Variants in PITPNM1 observed in about 807,000 individuals in gnomAD.
PITPNM1 encodes phosphatidylinositol transfer protein membrane associated 1.
PITPNM1 carries 74 observed loss-of-function variants against 133.3 expected under a neutral mutation model. That is an observed-to-expected ratio of 0.56 (90% confidence interval 0.46 to 0.67). The LOEUF is 0.67. PITPNM1 is among the 30% of genes least tolerant of loss of function. The pLI is 0.00. For synonymous variants in PITPNM1, 738 were observed against 741.4 expected (o/e 1.00, Z 0.08); for missense variants, 1,398 against 1,739.5 (o/e 0.80, Z 3.49).
At chr11:67,506,129 G>A (rs1268887225), upstream of PITPNM1, 1 of 152,700 alleles carries the variant, frequency 6.5e-6, no homozygotes, top group African/African-American at 2.4e-5. Context: ...CTGATTCAGA[G>A]GCTGGGGTGT....
intron 2 of PITPNM1, 198 bp downstream of exon 2, chr11:67,503,905 G>A (rs1866409458): frequency 5.8e-6 from 3 of 515,500 alleles, no homozygotes; most frequent in African/African-American, 2.0e-5. Flanking sequence ...GATCAGAGGA[G>A]GGCTGGGCAC....
chr11:67,505,793 G>T (rs923192057), upstream of PITPNM1, among the ~76,000 whole-genome samples: 1 of 152,182 alleles, frequency 6.6e-6, no homozygotes, highest in Non-Finnish European at 1.5e-5. The surrounding 1 kb of genome is among the most constrained non-coding windows in gnomAD (Gnocchi z 5.8). Flanking sequence ...TCGGCTCCAG[G>T]GCCCCAGGCC....
chr11:67,499,985 G>C lies in PITPNM1; in HGVS notation c.992C>G (p.Ser331Cys). 6.2e-7 allele frequency: 1 copy of C among 1,612,588 alleles called. No individual in the cohort carries two copies. Among genetic ancestry groups the C allele is most frequent in the Non-Finnish European group, 8.5e-7 (1 of 1,179,866 alleles). Residue 331 changes from serine to cysteine, a missense_variant, in exon 7 of 24, where the codon TCT becomes TGT. Coordinates refer to ENST00000356404, the MANE Select transcript of PITPNM1 (RefSeq NM_004910.3). ...GGCAATGTTCTGCATGCGCCACTCA[G>C]ACAAGCTCTGGGGAGACACAGCCCC... ...HGGAVSPQSL[S>C]EWRMQNIARD...
rs996097063 is a variant in PITPNM1, at chr11:67,494,452, G to A, written c.2743-92C>T. ...GGTGAGGATCCACACGCAAACACCG[G>A]GGTGGGGGCCTAGAGGCGGCGGGGC... On this transcript the variant is annotated intron_variant, in intron 18 of 23. Coordinates refer to ENST00000356404, the MANE Select transcript of PITPNM1 (RefSeq NM_004910.3). The A allele has an allele frequency of 9.3e-6, 8 of 860,008 alleles. No individual in the cohort carries two copies. The East Asian group carries it at 1.6e-4, about 17-fold the overall frequency. The allele number at this position is 860,008 out of a possible 1,614,324, so 53.3% of individuals were successfully genotyped here. A position where few individuals can be genotyped will look rare whatever the true frequency, so the allele number is the denominator to read the frequency against.
chr11:67,496,126 C>T, intron 15 of PITPNM1, 52 bp downstream of exon 15: 2 of 1,436,936 alleles, frequency 1.4e-6, no homozygotes, highest in Non-Finnish European at 1.8e-6. Flanking sequence ...TACCTCCTCC[C>T]TTCCTGTGTG....
At chr11:67,495,400 C>T (rs1354880417) in intron 16 of PITPNM1, 38 bp downstream of exon 16, 1 of 1,465,356 alleles carries the variant, frequency 6.8e-7, no homozygotes, top group Admixed American at 2.6e-5. Flanking sequence ...CGGGCCTCCC[C>T]CACCCCCAGG....
intron 20 of PITPNM1, 21 bp downstream of exon 20, chr11:67,493,901 G>A (rs751570788): frequency 2.3e-5 from 36 of 1,532,382 alleles, no homozygotes; most frequent in Middle Eastern, 1.8e-4. Context: ...CTCCCGCAGA[G>A]GCCCGGCCAG....
rs1866270674 is a variant in PITPNM1, at chr11:67,499,974, T to G, written c.1003A>C (p.Met335Leu). The G allele has an allele frequency of 3.7e-6, 6 of 1,612,430 alleles. No homozygotes were observed. The highest frequency in any genetic ancestry group is 8.5e-7 in the Non-Finnish European group (1 of 1,179,850). Residue 335 changes from methionine (M) to leucine (L), a missense_variant, in exon 7 of 24, where the codon ATG becomes CTG. Transcript: ENST00000356404. The stretch of plus-strand genomic sequence containing the variant: ...TCAGAGTCTCGGGCAATGTTCTGCA[T>G]GCGCCACTCAGACAAGCTCTGGGGA... ...VSPQSLSEWR[M>L]QNIARDSENS... is the part of the protein sequence containing the mutation.
Position 67,495,138 on chromosome 11 carries a change from G to A in PITPNM1, c.2570C>T (p.Pro857Leu). Reference protein sequence around the residue: ...ALTAFPTVTLPHLFHASYWES... With the variant: ...ALTAFPTVTLLHLFHASYWES... ...CCAGTAGCTGGCGTGGAAGAGGTGGGGCAGCGTGACGGTGGGAAAGGCGGT... is the reference window on the plus strand; with the variant it reads ...CCAGTAGCTGGCGTGGAAGAGGTGGAGCAGCGTGACGGTGGGAAAGGCGGT... The change falls in exon 17 of 24, where the codon CCC becomes CTC. Residue 857 changes from proline (P) to leucine (L), a missense_variant. By Grantham distance (98) the Pro-to-Leu change is moderately conservative. Around this residue, in one of 5 missense-constraint regions of PITPNM1, gnomAD observed 574 missense variants for 698.7 expected, o/e 0.82. Transcript: ENST00000356404. The A allele has an allele frequency of 2.5e-6, 4 of 1,612,660 alleles. No individual in the cohort carries two copies. The South Asian group carries it at 4.4e-5, about 18-fold the overall frequency.
Position 67,496,308 on chromosome 11 carries a change from G to A in PITPNM1, c.2187C>T (p.Leu729=), listed in dbSNP as rs768847294. The A allele has an allele frequency of 2.5e-6, 4 of 1,583,654 alleles. No homozygotes were observed. Among genetic ancestry groups the A allele is most frequent in the Non-Finnish European group, 3.4e-6 (4 of 1,169,308 alleles). Reference sequence around the variant, plus strand: ...AGGCGCAGGGGTCAGCCGCGTGGAAGAGGTTGTAGATCTGTTCACAGGCTG... The same window carrying A: ...AGGCGCAGGGGTCAGCCGCGTGGAAAAGGTTGTAGATCTGTTCACAGGCTG... ...MRPACEQIYN[L]FHAADPCASR... The change falls in exon 15 of 24, where the codon CTC becomes CTT. Residue 729 remains leucine (L), a synonymous_variant. Transcript: ENST00000356404.
In PITPNM1 at chr11:67,494,974, C is replaced by A. The variant is rs377335102; in HGVS notation, c.2632-18G>T. ...TCGATCACCTGCACGGGACAGGGGG[C>A]GAGGCCTCTGTCTCTTAGGGGAGGG... On this transcript the variant is annotated intron_variant, in intron 17 of 23. Transcript: ENST00000356404. 2.6e-5 allele frequency: 42 copies of A among 1,610,118 alleles called. No homozygotes were observed. Among genetic ancestry groups the A allele is most frequent in the Non-Finnish European group, 3.3e-5 (39 of 1,178,256 alleles).
Position 67,497,677 on chromosome 11 carries a change from G to T in PITPNM1, c.1785C>A (p.Asn595Lys). ...CAAACTCCGGAGAGAGCAGCTCATT[G>T]TTCTGGATGGAACAGGAGACAGAAA... is the stretch of plus-strand genomic sequence containing the variant. ...SRGSSRRGSM[N>K]NELLSPEFGP... Residue 595 changes from asparagine (N) to lysine (K), a missense_variant and splice_region_variant, in exon 13 of 24, where the codon AAC becomes AAA. Asn to Lys is a moderately conservative substitution (Grantham distance 94). Around this residue, in one of 5 missense-constraint regions of PITPNM1, gnomAD observed 574 missense variants for 698.7 expected, o/e 0.82. Transcript: ENST00000356404. The T allele has an allele frequency of 6.2e-7, 1 of 1,609,988 alleles. No homozygotes were observed. Among genetic ancestry groups the T allele is most frequent in the Non-Finnish European group, 8.5e-7 (1 of 1,179,172 alleles).
Position 67,500,367 on chromosome 11 carries a change from T to G in PITPNM1, c.695A>C (p.Glu232Ala). ...GTCAGCCATGCTCAGCTCTGTCCACTCATCCTGCCAGCACCAGGCCTGGCG... is the reference window on the plus strand; with the variant it reads ...GTCAGCCATGCTCAGCTCTGTCCACGCATCCTGCCAGCACCAGGCCTGGCG... ...AHRQAWCWQD[E>A]WTELSMADIR... Residue 232 changes from glutamate to alanine, a missense_variant, in exon 6 of 24, where the codon GAG (glutamate) becomes GCG (alanine). By Grantham distance (107) the Glu-to-Ala change is moderately radical. Coordinates refer to ENST00000356404, the MANE Select transcript of PITPNM1 (RefSeq NM_004910.3). 3 of 1,612,096 alleles carry G rather than the reference T, an allele frequency of 1.9e-6. No homozygotes were observed. The highest frequency in any genetic ancestry group is 1.7e-4 in the Middle Eastern group (1 of 6,060).
At chr11:67,500,615 C>G (rs140322170) in intron 5 of PITPNM1, among the ~76,000 whole-genome samples, 194 bp from the exon 6 acceptor site, 1 of 152,258 alleles carries the variant, frequency 6.6e-6, no homozygotes, top group Admixed American at 6.5e-5. Context: ...CTGACTCCCC[C>G]CCGCCCACTG....
At position 67,500,177 on chromosome 11, in the gene PITPNM1, T is replaced by C. The variant is rs760497918; in HGVS notation, c.885A>G (p.Pro295=). Residue 295 remains proline (P), a synonymous_variant, in exon 6 of 24, where the codon CCA becomes CCG. Transcript: ENST00000356404. Reference sequence around the variant, plus strand: ...TGGCATCGGGGGAGGCATCTGGGCCTGGGGGGGCCTCAGGCCCATCGGGGG... The same window carrying C: ...TGGCATCGGGGGAGGCATCTGGGCCCGGGGGGGCCTCAGGCCCATCGGGGG... ...TGTPDGPEAP[P]GPDASPDASF... is the part of the protein sequence containing the mutation. 1.0e-5 allele frequency: 16 copies of C among 1,598,514 alleles called. No homozygotes were observed. The highest frequency in any genetic ancestry group is 8.5e-7 in the Non-Finnish European group (1 of 1,173,882).
rs1224006396 is a variant in PITPNM1, at chr11:67,494,897, C to T, written c.2691G>A (p.Pro897=). 1.2e-6 allele frequency: 2 copies of T among 1,612,814 alleles called. No homozygotes were observed. The highest frequency in any genetic ancestry group is 8.5e-7 in the Non-Finnish European group (1 of 1,179,818). ...GCTGCCACTTCTCCCTGGGGAAGGCCGGGCTGTAGATGGACGGCTCCTCGC... is the reference window on the plus strand; with the variant it reads ...GCTGCCACTTCTCCCTGGGGAAGGCTGGGCTGTAGATGGACGGCTCCTCGC... ...AECEEPSIYS[P]AFPREKWQRK... The change falls in exon 18 of 24, where the codon CCG becomes CCA. Residue 897 remains proline, a synonymous_variant. Coordinates refer to ENST00000356404, the MANE Select transcript of PITPNM1 (RefSeq NM_004910.3).
rs758900266 is a variant in PITPNM1, at chr11:67,496,354, A to G, written c.2147-6T>C. ...GGCTGGGCGCATCTGGGCTGCTGGT[A>G]CCCAGAAGACAGAGAAAGATTGTGG... On this transcript the variant is annotated splice_region_variant and splice_polypyrimidine_tract_variant and intron_variant, in intron 14 of 23. Transcript: ENST00000356404. 8.3e-6 allele frequency: 13 copies of G among 1,568,550 alleles called. No homozygotes were observed. Among genetic ancestry groups the G allele is most frequent in the African/African-American group, 4.2e-5 (3 of 71,988 alleles).
intron 23 of PITPNM1, among the ~76,000 whole-genome samples, chr11:67,492,723 G>C (rs7952329): frequency 0.058 from 8,859 of 152,332 alleles, 865 homozygotes; most frequent in African/African-American, 0.2. Context: ...CTAGGGTCTT[G>C]AGCACTTTCC....
chr11:67,493,776 C>T lies in PITPNM1; in HGVS notation c.3070G>A (p.Val1024Ile). 1 of 1,550,026 alleles carries T rather than the reference C, an allele frequency of 6.5e-7. No homozygotes were observed. The highest frequency in any genetic ancestry group is 8.7e-7 in the Non-Finnish European group (1 of 1,147,856). ...GTGAAGGAGCCGTCGATGCTGAAGA[C>T]CACAGCCTCCGTGCCGCGGGCCACC... ...TVVARGTEAV[V>I]FSIDGSFTAS... is the part of the protein sequence containing the mutation. The change falls in exon 21 of 24, where the codon GTC (valine) becomes ATC (isoleucine). Residue 1024 changes from valine (V) to isoleucine (I), a missense_variant. By Grantham distance (29) the Val-to-Ile change is conservative. Around this residue, in one of 5 missense-constraint regions of PITPNM1, gnomAD observed 233 missense variants for 378.0 expected, o/e 0.62. Transcript: ENST00000356404.
Sources: allele counts gnomAD v4.1 joint callset (sites outside exome capture counted in the v4.1 genomes callset), GRCh38; gene constraint gnomAD v4.1.1; regional missense constraint gnomAD v4.1.1; non-coding constraint Gnocchi (gnomAD v3.1); transcripts MANE v1.5; gene names NCBI Gene and HGNC (gene_info 2026-07-23, HGNC 2026-07-21).